The following PCDH9 variants were observed in gnomAD, a reference collection of about 807,000 sequenced individuals.
PCDH9 encodes the protein protocadherin-9.
PCDH9 carries 24 observed loss-of-function variants against 70.6 expected under a neutral mutation model. The observed-to-expected ratio is 0.34, with a 90% CI of 0.25 to 0.48. The LOEUF is 0.48. Among genes scored for constraint, PCDH9 ranks in the 20% least tolerant of loss-of-function variants. PCDH9 has a pLI of 0.99. For missense variants in PCDH9, 1,281 were observed against 1,503.6 expected (o/e 0.85, Z 2.45); for synonymous variants, 562 against 558.5 (o/e 1.01, Z -0.09).
intron 2 of PCDH9, among the ~76,000 whole-genome samples, chr13:67,034,269 C>A (rs7987017): frequency 0.074 from 11,328 of 152,148 alleles, 549 homozygotes; most frequent in East Asian, 0.2. Context: ...AGGCATGAGC[C>A]ACCGTGCCCA....
At chr13:66,501,823 A>C (rs1384346122) in intron 4 of PCDH9, among the ~76,000 whole-genome samples, 1 of 152,154 alleles carries the variant, frequency 6.6e-6, no homozygotes, top group East Asian at 1.9e-4. Context: ...ATTTTACTTA[A>C]GGCATTAAGC....
intron 2 of PCDH9, among the ~76,000 whole-genome samples, chr13:67,033,852 A>T (rs2084955674): frequency 6.6e-6 from 1 of 152,232 alleles, no homozygotes; most frequent in Admixed American, 6.5e-5. Context: ...GCTCACTTCA[A>T]GTTAGCAATG....
At chr13:66,908,082 T>C (rs1252120942) in intron 2 of PCDH9, among the ~76,000 whole-genome samples, 2 of 152,300 alleles carry the variant, frequency 1.3e-5, no homozygotes, top group Non-Finnish European at 2.9e-5. Flanking sequence ...CTTTAAATAA[T>C]TGTCTAAACT....
intron 3 of PCDH9, among the ~76,000 whole-genome samples, chr13:66,892,182 T>C (rs2082106883): frequency 6.7e-6 from 1 of 149,934 alleles, no homozygotes; most frequent in Admixed American, 6.7e-5. Flanking sequence ...TCATTGTGTG[T>C]GTGTATATAT....
chr13:67,182,695 C>T (rs1301718831), intron 2 of PCDH9, among the ~76,000 whole-genome samples: 1 of 152,012 alleles, frequency 6.6e-6, no homozygotes, highest in Non-Finnish European at 1.5e-5. Context: ...AAATTGTTAC[C>T]ACCCAGACTT....
intron 4 of PCDH9, among the ~76,000 whole-genome samples, chr13:66,529,422 ACTGT>A (rs914819062): frequency 1.8e-4 from 28 of 152,144 alleles, no homozygotes; most frequent in African/African-American, 6.7e-4. Context: ...GAAAACTGAA[ACTGT>A]CTTTTATTAC....
At chr13:67,162,831 GAA>G (rs140145043) in intron 2 of PCDH9, among the ~76,000 whole-genome samples, 2,245 of 148,190 alleles carry the variant, frequency 0.015, 30 homozygotes, top group Middle Eastern at 0.053. Context: ...GTACTGAACT[GAA>G]AAAAAAAATA....
At chr13:67,083,297 T>G (rs1419814415) in intron 2 of PCDH9, among the ~76,000 whole-genome samples, 1 of 152,144 alleles carries the variant, frequency 6.6e-6, no homozygotes, top group Non-Finnish European at 1.5e-5. Flanking sequence ...ATAACAAAAG[T>G]CAGCTTGAAA....
In PCDH9 at chr13:66,602,617, T is replaced by A. The variant is rs28865892; in HGVS notation, c.3340+28593A>T. On this transcript the variant is annotated intron_variant, in intron 4 of 4. Coordinates refer to ENST00000377865, the MANE Select transcript of PCDH9 (RefSeq NM_203487.3). ...TGCTATTACAAGAGTCAAAAATTTT[T>A]AAAAGTAAAAGTAAGCTAAGTTTAA... Among the ~76,000 whole-genome samples, 6 of 144,934 alleles carry A rather than the reference T, an allele frequency of 4.1e-5. 1 individual carries two copies. Among genetic ancestry groups the A allele is most frequent in the Non-Finnish European group, 6.2e-5 (4 of 64,590 alleles).
At position 66,623,334 on chromosome 13, in the gene PCDH9, A is replaced by G. The variant is rs140875120; in HGVS notation, c.3340+7876T>C. On this transcript the variant is annotated intron_variant, in intron 4 of 4. Transcript: ENST00000377865. ...GTTGAGTCATGTACTATGTTAAACC[A>G]TGTATTCACTGAAGGATGTTTTTCT... is the stretch of plus-strand genomic sequence containing the variant. Among the ~76,000 whole-genome samples the G allele has an allele frequency of 4.2e-3, 635 of 152,332 alleles. 20 individuals carry two copies. The East Asian group carries it at 0.08, about 19-fold the overall frequency.
At chr13:66,858,241 G>T (rs1245530634) in intron 3 of PCDH9, among the ~76,000 whole-genome samples, 1 of 152,042 alleles carries the variant, frequency 6.6e-6, no homozygotes, top group African/African-American at 2.4e-5. Context: ...CCATAAACCT[G>T]ATAAAAACAA....
chr13:66,345,121 G>T (rs942548568), intron 4 of PCDH9, among the ~76,000 whole-genome samples: 1 of 152,106 alleles, frequency 6.6e-6, no homozygotes, highest in Admixed American at 6.5e-5. Flanking sequence ...TATAATTCGG[G>T]TAATGAACAG....
chr13:66,877,909 C>T (rs2081847535), intron 3 of PCDH9, among the ~76,000 whole-genome samples: 1 of 152,180 alleles, frequency 6.6e-6, no homozygotes. Context: ...GCCCTTTCAC[C>T]TTACTGGGTT....
chr13:66,427,180 T>C (rs762327534), intron 4 of PCDH9, among the ~76,000 whole-genome samples: 12 of 151,610 alleles, frequency 7.9e-5, no homozygotes, highest in African/African-American at 2.7e-4. Flanking sequence ...TTAATGTAGA[T>C]CATGAACCTG....
intron 3 of PCDH9, among the ~76,000 whole-genome samples, chr13:66,770,033 G>C (rs2079781398): frequency 6.6e-6 from 1 of 152,072 alleles, no homozygotes; most frequent in Admixed American, 6.6e-5. Context: ...ATTGAGGGAG[G>C]TATGGAAGTG....
At chr13:67,214,262 T>A (rs1483439397) in intron 2 of PCDH9, 2 of 152,222 alleles carry the variant, frequency 1.3e-5, no homozygotes, top group Non-Finnish European at 2.9e-5. Context: ...ATGAATTCAA[T>A]CAATCTCAGA....
chr13:66,557,141 G>A (rs977746290), intron 4 of PCDH9, among the ~76,000 whole-genome samples: 8 of 152,136 alleles, frequency 5.3e-5, no homozygotes, highest in African/African-American at 1.4e-4. Context: ...AGTTCAAATG[G>A]ATGCGAGGAG....
chr13:66,411,048 T>A (rs1193968693), intron 4 of PCDH9, among the ~76,000 whole-genome samples: 1 of 152,184 alleles, frequency 6.6e-6, no homozygotes. Flanking sequence ...TCATCTGTAT[T>A]ATATTTCACT....
At chr13:67,154,862 C>A (rs1182206416) in intron 2 of PCDH9, among the ~76,000 whole-genome samples, 3 of 151,632 alleles carry the variant, frequency 2.0e-5, no homozygotes, top group Non-Finnish European at 4.4e-5. Context: ...TGTCACCACA[C>A]CCAGCAAATT....
Sources: allele counts gnomAD v4.1 joint callset (sites outside exome capture counted in the v4.1 genomes callset), GRCh38; gene constraint gnomAD v4.1.1; transcripts MANE v1.5; gene names NCBI Gene and HGNC (gene_info 2026-07-23, HGNC 2026-07-21).